Variants in ZFP64 observed in about 807,000 individuals in gnomAD.
ZFP64 encodes the protein zinc finger protein 64.
In ZFP64, 14 loss-of-function variants were observed where a neutral mutation model predicts 51.6. That is an observed-to-expected ratio of 0.27 (90% CI 0.18 to 0.42). The LOEUF (loss-of-function observed/expected upper bound fraction) is 0.42, where lower values mean the gene tolerates loss of function less well. ZFP64 is among the 10% of genes least tolerant of loss of function. The pLI is 1.00. For missense variants in ZFP64, 754 were observed against 906.8 expected (o/e 0.83, Z 2.16); for synonymous variants, 375 against 361.4 (o/e 1.04, Z -0.43).
intron 5 of ZFP64, chr20:52,104,577 C>G: frequency 2.5e-6 from 1 of 396,602 alleles, no homozygotes; most frequent in Middle Eastern, 4.2e-4. Context: ...GGTGACCTCT[C>G]GGGCTACAGC....
intron 2 of ZFP64, among the ~76,000 whole-genome samples, chr20:52,171,403 G>A (rs901548063): frequency 6.6e-6 from 1 of 152,188 alleles, no homozygotes; most frequent in African/African-American, 2.4e-5. Context: ...GTATGCGTAT[G>A]TGTATGCGTA....
rs1418559690 is a variant in ZFP64, at chr20:52,143,326, C to G, written c.763+16797G>C. ...TATCCCCTTTAAAGCAACCAACTAACCATCCCTAAAACTGAAATAACAAAG... is the reference window on the plus strand; with the variant it reads ...TATCCCCTTTAAAGCAACCAACTAAGCATCCCTAAAACTGAAATAACAAAG... On this transcript the variant is annotated intron_variant, in intron 5 of 8. Transcript: ENST00000361387. Among the ~76,000 whole-genome samples, 2 of 142,188 alleles carry G rather than the reference C, an allele frequency of 1.4e-5. 1 individual carries two copies. The highest frequency in any genetic ancestry group is 3.1e-5 in the Non-Finnish European group (2 of 64,088). 93.3% of individuals were successfully genotyped at this position (142,188 alleles called of 152,430 possible).
intron 5 of ZFP64, among the ~76,000 whole-genome samples, chr20:52,119,007 G>A (rs1979023104): frequency 6.6e-6 from 1 of 152,154 alleles, no homozygotes; most frequent in Non-Finnish European, 1.5e-5. Flanking sequence ...GCTGGGTGTG[G>A]TGGTGTGTGC....
chr20:52,098,500 G>A (rs776875065), exon 6 of ZFP64: 4 of 1,614,160 alleles, frequency 2.5e-6, no homozygotes, highest in Non-Finnish European at 3.4e-6. Context: ...TGCCTCTGAG[G>A]GAAGAGTGAT....
intron 5 of ZFP64, among the ~76,000 whole-genome samples, chr20:52,141,072 T>C (rs1176993743): frequency 1.3e-5 from 2 of 152,200 alleles, no homozygotes; most frequent in Admixed American, 6.5e-5. Flanking sequence ...TAAAGCCCCA[T>C]GTTGAGACCT....
In ZFP64 at chr20:52,152,488, A is replaced by G. The variant is rs1393584457; in HGVS notation, c.1704T>C (p.Ala568=). 1.2e-6 allele frequency: 2 copies of G among 1,611,296 alleles called. No homozygotes were observed. Among genetic ancestry groups the G allele is most frequent in the African/African-American group, 2.7e-5 (2 of 74,914 alleles). The change falls in exon 6 of 6, where the codon GCT becomes GCC. Residue 568 remains alanine (A), a synonymous_variant. Coordinates refer to ENST00000216923, the MANE Select transcript of ZFP64 (RefSeq NM_018197.3). ...TCTGCTCGTGGGTGGTCAGCAGGAC[A>G]GCCGGCTGGGTCATTGCGCCCGCCT... The part of the protein sequence containing the change: ...PSEAGAMTQP[A]VLLTTHEQTD...
intron 2 of ZFP64, among the ~76,000 whole-genome samples, chr20:52,178,782 C>T (rs771351007): frequency 6.6e-6 from 1 of 152,050 alleles, no homozygotes; most frequent in Non-Finnish European, 1.5e-5. Flanking sequence ...CTTTCATTCA[C>T]AGTTCTCCCC....
intron 5 of ZFP64, among the ~76,000 whole-genome samples, chr20:52,102,125 AG>A (rs2079059351): frequency 4.7e-5 from 7 of 147,876 alleles, no homozygotes; most frequent in Non-Finnish European, 4.5e-5. Flanking sequence ...AAAAAAAAAA[AG>A]GCAGCAGTCT....
At chr20:52,110,966 C>G (rs1405299039) in intron 5 of ZFP64, 21 of 1,527,622 alleles carry the variant, frequency 1.4e-5, no homozygotes, top group Non-Finnish European at 1.9e-5. Context: ...TTCACCAAGA[C>G]GAACCTGCTT....
Position 52,122,128 on chromosome 20 carries a change from A to C in ZFP64, c.764-23541T>G, listed in dbSNP as rs541135412. Reference sequence around the variant, plus strand: ...CACCCAAGAGCTCTGATGTAGATGTACAAGGAGATGAATGTTGTTTTCATG... The same window carrying C: ...CACCCAAGAGCTCTGATGTAGATGTCCAAGGAGATGAATGTTGTTTTCATG... On this transcript the variant is annotated intron_variant, in intron 5 of 8. Transcript: ENST00000361387. Among the ~76,000 whole-genome samples the C allele has an allele frequency of 9.2e-5, 14 of 152,356 alleles. No homozygotes were observed. The South Asian group carries it at 2.7e-3, about 29-fold the overall frequency.
At chr20:52,125,480 C>T (rs1470784000) in intron 5 of ZFP64, among the ~76,000 whole-genome samples, 1 of 152,242 alleles carries the variant, frequency 6.6e-6, no homozygotes, top group Non-Finnish European at 1.5e-5. Context: ...AACCCTGCAG[C>T]AGCCATCATA....
rs199518880 is a variant in ZFP64, at chr20:52,170,884, TA to T, written c.287-4860del. Among the ~76,000 whole-genome samples the T allele has an allele frequency of 4.4e-3, 676 of 152,228 alleles. 10 individuals carry two copies. The highest frequency in any genetic ancestry group is 0.015 in the African/African-American group (640 of 41,534). ...AGGAGTGGTGCATGCAATAAGTATT[TA>T]AATATATAGTGTGCAAATCAAGTGG... On this transcript the variant is annotated intron_variant, in intron 2 of 5. Transcript: ENST00000216923.
Position 52,152,048 on chromosome 20 carries a change from A to C in ZFP64, c.*98T>G, listed in dbSNP as rs1170472212. 23 of 1,478,556 alleles carry C rather than the reference A, an allele frequency of 1.6e-5. No homozygotes were observed. The highest frequency in any genetic ancestry group is 5.2e-5 in the Admixed American group (2 of 38,796). The allele number at this position is 1,478,556 out of a possible 1,614,324, so 91.6% of individuals were successfully genotyped here. ...CGAGACTCCGTCTCAAAAACAAAAC[A>C]AAACAAAGAAAACATTAAGAGCAAA... is the stretch of plus-strand genomic sequence containing the variant. On this transcript the variant is annotated 3_prime_UTR_variant, in exon 6 of 6. Coordinates refer to ENST00000216923, the MANE Select transcript of ZFP64 (RefSeq NM_018197.3).
chr20:52,105,409 G>T (rs1600712051), intron 5 of ZFP64: 3 of 1,223,522 alleles, frequency 2.5e-6, no homozygotes, highest in Middle Eastern at 2.1e-4. Flanking sequence ...TTGGCCTGGA[G>T]CCAAGACCCC....
chr20:52,104,555 T>C, intron 5 of ZFP64: 1 of 361,890 alleles, frequency 2.8e-6, no homozygotes, highest in Non-Finnish European at 5.5e-6. Context: ...CCCCATCACC[T>C]CTCGGGCCTC....
At chr20:52,108,818 G>A (rs185641134) in intron 5 of ZFP64, among the ~76,000 whole-genome samples, 2 of 147,996 alleles carry the variant, frequency 1.4e-5, no homozygotes, top group East Asian at 4.1e-4. Flanking sequence ...CATCATGTTT[G>A]GTTTTAATGG....
At chr20:52,114,919 C>G (rs762853236) in intron 5 of ZFP64, among the ~76,000 whole-genome samples, 2 of 152,142 alleles carry the variant, frequency 1.3e-5, no homozygotes, top group Non-Finnish European at 2.9e-5. Flanking sequence ...CAGGCCAGGC[C>G]GGGCACGGTG....
chr20:52,098,294 G>C, intron 6 of ZFP64: 1 of 1,151,276 alleles, frequency 8.7e-7, no homozygotes, highest in South Asian at 1.6e-5. Flanking sequence ...GGCCCCCCAG[G>C]GAAGGCTGTT....
intron 5 of ZFP64, among the ~76,000 whole-genome samples, chr20:52,127,438 G>C (rs149456224): frequency 6.6e-6 from 1 of 152,094 alleles, no homozygotes; most frequent in South Asian, 2.1e-4. Context: ...TCATGGGGGC[G>C]GCTGCTGTTC....
Sources: allele counts gnomAD v4.1 joint callset (sites outside exome capture counted in the v4.1 genomes callset), GRCh38; gene constraint gnomAD v4.1.1; transcripts MANE v1.5; gene names NCBI Gene and HGNC (gene_info 2026-07-23, HGNC 2026-07-21).